CNTNAP2: variants seen among roughly 807,000 people sequenced by gnomAD.
The protein encoded by CNTNAP2 is contactin-associated protein-like 2.
A neutral mutation model predicts 155.2 loss-of-function variants in CNTNAP2; 98 were observed. That is an observed-to-expected ratio of 0.63 (90% CI 0.54 to 0.75). The LOEUF is 0.75. Among genes scored for constraint, CNTNAP2 ranks in the 30% least tolerant of loss-of-function variants. The pLI is 0.00. For missense variants in CNTNAP2, 1,727 were observed against 1,688.1 expected (o/e 1.02, Z -0.40); for synonymous variants, 651 against 631.2 (o/e 1.03, Z -0.47).
intron 11 of CNTNAP2, among the ~76,000 whole-genome samples, chr7:147,551,264 T>G (rs1297751876): frequency 6.6e-6 from 1 of 152,188 alleles, no homozygotes; most frequent in Non-Finnish European, 1.5e-5. Context: ...AAAGTCAGAA[T>G]AAAGATCACA....
chr7:147,830,187 T>C, intron 13 of CNTNAP2, among the ~76,000 whole-genome samples: 1 of 149,066 alleles, frequency 6.7e-6, no homozygotes, highest in East Asian at 2.0e-4. Context: ...AAACATAAAC[T>C]AGGTGGCTTA....
Position 146,362,085 on chromosome 7 carries a change from T to C in CNTNAP2, c.97+245112T>C, listed in dbSNP as rs118155082. 1.2e-3 allele frequency among the ~76,000 whole-genome samples: 183 copies of C among 152,330 alleles called. 4 individuals are homozygous for C. In the East Asian group the frequency reaches 0.033, roughly 28 times the overall value. ...TTTTGTGTGTATTGCTTGAATACTC[T>C]CACTGATTTTAAAACACAGTGCTTT... is the stretch of plus-strand genomic sequence containing the variant. On this transcript the variant is annotated intron_variant, in intron 1 of 23. Coordinates refer to ENST00000361727, the MANE Select transcript of CNTNAP2 (RefSeq NM_014141.6).
At chr7:146,117,148 G>C in intron 1 of CNTNAP2, 175 bp downstream of exon 1, 1 of 616,574 alleles carries the variant, frequency 1.6e-6, no homozygotes, top group South Asian at 1.9e-5. Context: ...CAGCGTTTCT[G>C]TTTTGGAAGA....
chr7:146,504,188 G>C (rs1563110546), intron 1 of CNTNAP2, among the ~76,000 whole-genome samples: 2 of 152,206 alleles, frequency 1.3e-5, no homozygotes. Context: ...TCCTAGCAGG[G>C]AGACATGCCC....
At chr7:147,782,641 AC>A (rs1467909336) in intron 13 of CNTNAP2, among the ~76,000 whole-genome samples, 4 of 152,180 alleles carry the variant, frequency 2.6e-5, no homozygotes, top group African/African-American at 4.8e-5. Flanking sequence ...TGACCAAATT[AC>A]CTCTGAAAGG....
At chr7:146,996,917 TCA>T (rs372045827) in intron 3 of CNTNAP2, among the ~76,000 whole-genome samples, 3 of 152,210 alleles carry the variant, frequency 2.0e-5, no homozygotes, top group African/African-American at 7.2e-5. Flanking sequence ...TGAATAAGTC[TCA>T]CAATATCTGA....
At chr7:148,301,590 A>G (rs890158545) in intron 21 of CNTNAP2, among the ~76,000 whole-genome samples, 36 of 152,280 alleles carry the variant, frequency 2.4e-4, no homozygotes, top group African/African-American at 8.7e-4. Context: ...TAAGTACCCA[A>G]TTAGTGATTT....
intron 1 of CNTNAP2, among the ~76,000 whole-genome samples, chr7:146,581,838 A>G (rs1798615719): frequency 1.3e-5 from 2 of 152,142 alleles, no homozygotes; most frequent in African/African-American, 2.4e-5. Flanking sequence ...TAATAGTAGC[A>G]TTGTCTAAAC....
At chr7:147,439,549 A>G (rs1334906200) in intron 10 of CNTNAP2, among the ~76,000 whole-genome samples, 1 of 152,014 alleles carries the variant, frequency 6.6e-6, no homozygotes, top group East Asian at 1.9e-4. Flanking sequence ...AAGAATGTAC[A>G]TTCTGTAGCC....
chr7:147,999,838 C>T (rs964892114), intron 15 of CNTNAP2, among the ~76,000 whole-genome samples: 2 of 152,092 alleles, frequency 1.3e-5, no homozygotes, highest in African/African-American at 4.8e-5. Flanking sequence ...GAAGGATTGC[C>T]GGCTACTGCC....
At chr7:146,968,014 C>G (rs1209890900) in intron 3 of CNTNAP2, among the ~76,000 whole-genome samples, 1,083 of 128,578 alleles carry the variant, frequency 8.4e-3, no homozygotes, top group Non-Finnish European at 0.011. Flanking sequence ...GAGTTTTTAG[C>G]ATGAAGCGGT....
chr7:147,105,674 C>T (rs1451806420), intron 4 of CNTNAP2, among the ~76,000 whole-genome samples: 1 of 152,016 alleles, frequency 6.6e-6, no homozygotes, highest in Admixed American at 6.6e-5. Flanking sequence ...CAGCTCTGAG[C>T]TTACATCCAC....
rs956729301 is a variant in CNTNAP2 at position 147,338,882 on chromosome 7, G to A, written c.1498+38592G>A. Among the ~76,000 whole-genome samples, 28 of 151,922 alleles carry A rather than the reference G, an allele frequency of 1.8e-4. 1 individual carries two copies. Among genetic ancestry groups the A allele is most frequent in the African/African-American group, 6.5e-4 (27 of 41,352 alleles). On this transcript the variant is annotated intron_variant, in intron 9 of 23. Transcript: ENST00000361727. Reference sequence around the variant, plus strand: ...AAATGGGGGTCTTGAAGAGGGCTGGGGGTAGGGGGAGCTCATATTTATCAT... The same window carrying A: ...AAATGGGGGTCTTGAAGAGGGCTGGAGGTAGGGGGAGCTCATATTTATCAT...
chr7:147,773,853 T>A (rs1797514211), intron 13 of CNTNAP2, among the ~76,000 whole-genome samples: 1 of 152,178 alleles, frequency 6.6e-6, no homozygotes, highest in Non-Finnish European at 1.5e-5. Flanking sequence ...AAATTTTTTT[T>A]AATAATCAAC....
intron 3 of CNTNAP2, among the ~76,000 whole-genome samples, chr7:147,031,019 T>C (rs977816064): frequency 6.6e-6 from 1 of 152,208 alleles, no homozygotes; most frequent in African/African-American, 2.4e-5. Context: ...AAGATGAGTA[T>C]ATTATTTACC....
At chr7:147,704,895 AT>A (rs1796288142) in intron 13 of CNTNAP2, among the ~76,000 whole-genome samples, 1 of 151,648 alleles carries the variant, frequency 6.6e-6, no homozygotes, top group Admixed American at 6.6e-5. Flanking sequence ...TTATGTTTTT[AT>A]TTTTGTAGTG....
intron 13 of CNTNAP2, among the ~76,000 whole-genome samples, chr7:147,698,120 A>G (rs1584905965): frequency 6.6e-6 from 1 of 152,082 alleles, no homozygotes; most frequent in South Asian, 2.1e-4. Context: ...TATCTCTCCA[A>G]TGTTGCCCTG....
chr7:147,672,327 G>A (rs1795800923), intron 13 of CNTNAP2: 1 of 152,164 alleles, frequency 6.6e-6, no homozygotes, highest in African/African-American at 2.4e-5. Flanking sequence ...AAAAAGCAAA[G>A]TTATAGAAAA....
intron 23 of CNTNAP2, chr7:148,415,050 G>T (rs1799947435): frequency 2.6e-6 from 1 of 386,456 alleles, no homozygotes; most frequent in Non-Finnish European, 4.9e-6. Context: ...TCCCTACACT[G>T]CTGTCCAAAA....
Sources: gnomAD v4.1 joint callset for allele counts (sites outside exome capture counted in the v4.1 genomes callset) on GRCh38, gnomAD v4.1.1 for gene constraint, MANE v1.5 for transcripts, NCBI Gene and HGNC (gene_info 2026-07-23, HGNC 2026-07-21) for gene names.